The following SBSPON variants were observed in gnomAD, a reference collection of about 807,000 sequenced individuals.
The protein encoded by SBSPON is somatomedin-B and thrombospondin type-1 domain-containing protein.
In SBSPON, 30 loss-of-function variants were observed where a neutral mutation model predicts 35.8. The observed-to-expected ratio is 0.84, with a 90% CI of 0.63 to 1.14. The LOEUF (loss-of-function observed/expected upper bound fraction) is 1.14. Among genes scored for constraint, SBSPON ranks in the 50% most tolerant of loss-of-function variants. The probability of loss-of-function intolerance (pLI) is 0.00; values close to 1 mark genes in which losing one functional copy is unlikely to be tolerated. For synonymous variants in SBSPON, 136 were observed against 135.9 expected (o/e 1.00, Z 0.00); for missense variants, 364 against 357.7 (o/e 1.02, Z -0.14).
intron 1 of SBSPON, among the ~76,000 whole-genome samples, chr8:73,088,817 A>G (rs1810881692): frequency 1.3e-5 from 2 of 152,226 alleles, no homozygotes; most frequent in African/African-American, 4.8e-5. Flanking sequence ...TGGCAAATAT[A>G]TGTGGCAATT....
Position 73,069,966 on chromosome 8 carries a change from A to T in SBSPON, c.516T>A (p.Phe172Leu), listed in dbSNP as rs1384083087. ...HTEDAGYCME[F>L]KTESLTPHCA... is the part of the protein sequence containing the mutation. The stretch of plus-strand genomic sequence containing the variant: ...AGTGAGGAGTCAAGGACTCTGTCTT[A>T]AACTCCATACAGTATCTACAGCAAA... The change falls in exon 4 of 5, where the codon TTT becomes TTA. Residue 172 changes from phenylalanine (F) to leucine (L), a missense_variant. Coordinates refer to ENST00000297354, the MANE Select transcript of SBSPON (RefSeq NM_153225.4). The T allele has an allele frequency of 1.3e-6, 2 of 1,594,352 alleles. No homozygotes were observed. The highest frequency in any genetic ancestry group is 2.7e-5 in the African/African-American group (2 of 74,334).
intron 1 of SBSPON, among the ~76,000 whole-genome samples, chr8:73,087,121 G>A (rs958982500): frequency 6.6e-6 from 1 of 152,156 alleles, no homozygotes; most frequent in South Asian, 2.1e-4. Flanking sequence ...TCACTCTGTT[G>A]GTGTTTATGT....
At chr8:73,089,352 G>T (rs929180209) in intron 1 of SBSPON, among the ~76,000 whole-genome samples, 2 of 152,148 alleles carry the variant, frequency 1.3e-5, no homozygotes, top group Non-Finnish European at 2.9e-5. Flanking sequence ...TCAGGAGATT[G>T]AAACCAGCCT....
chr8:73,075,350 G>A (rs1006174697), intron 2 of SBSPON, among the ~76,000 whole-genome samples: 3 of 152,130 alleles, frequency 2.0e-5, no homozygotes, highest in Non-Finnish European at 4.4e-5. Context: ...CCCAGAACCA[G>A]CATCACTTTT....
Position 73,067,297 on chromosome 8 carries a change from T to C in SBSPON, c.*44A>G. 9 of 1,164,374 alleles carry C rather than the reference T, an allele frequency of 7.7e-6. No individual in the cohort carries two copies. Among genetic ancestry groups the C allele is most frequent in the Non-Finnish European group, 1.0e-5 (8 of 773,866 alleles). 72.1% of individuals were successfully genotyped at this position (1,164,374 alleles called of 1,614,324 possible). ...AAACATTGAACATGACTTGAGAATATTTAGAATGTTTACAAATGCATTTGG... is the reference window on the plus strand; with the variant it reads ...AAACATTGAACATGACTTGAGAATACTTAGAATGTTTACAAATGCATTTGG... On this transcript the variant is annotated 3_prime_UTR_variant, in exon 5 of 5. Transcript: ENST00000297354.
chr8:73,093,110 G>T lies in SBSPON; in HGVS notation c.-43C>A. 2 of 1,157,592 alleles carry T rather than the reference G, an allele frequency of 1.7e-6. No individual in the cohort carries two copies. The highest frequency in any genetic ancestry group is 2.8e-5 in the South Asian group (1 of 36,068). The allele number at this position is 1,157,592 out of a possible 1,614,324, so 71.7% of individuals were successfully genotyped here. On this transcript the variant is annotated 5_prime_UTR_variant, in exon 1 of 5. Transcript: ENST00000297354. ...CGCCTGCGACGCGACAGACCCCCGG[G>T]GCAAGCGCTCTGATCCTCGGCTGGC...
intron 2 of SBSPON, among the ~76,000 whole-genome samples, chr8:73,079,246 CAA>C (rs924376250): frequency 1.3e-5 from 2 of 152,016 alleles, no homozygotes; most frequent in African/African-American, 2.4e-5. Context: ...GGTCTCTGAC[CAA>C]AAGACTCCCC....
At position 73,066,180 on chromosome 8, in the gene SBSPON, A is replaced by C. The variant is rs1407928189; in HGVS notation, c.*1161T>G. The C allele has an allele frequency of 6.6e-6, 1 of 152,212 alleles. No homozygotes were observed. Among genetic ancestry groups the C allele is most frequent in the African/African-American group, 2.4e-5 (1 of 41,464 alleles). 9.4% of individuals were successfully genotyped at this position (152,212 alleles called of 1,614,324 possible). A position where few individuals can be genotyped will look rare whatever the true frequency, so the allele number is the denominator to read the frequency against. ...CAAGACTCAATTCTCTAAACTAAAT[A>C]TCTTGAATTTAAAATTTACTTCACA... On this transcript the variant is annotated 3_prime_UTR_variant, in exon 5 of 5. Coordinates refer to ENST00000297354, the MANE Select transcript of SBSPON (RefSeq NM_153225.4).
rs1284523475 is a variant in SBSPON, at chr8:73,093,091, C to T, written c.-24G>A. 3.5e-5 allele frequency: 45 copies of T among 1,270,572 alleles called. No individual in the cohort carries two copies. The highest frequency in any genetic ancestry group is 4.5e-5 in the Non-Finnish European group (45 of 999,144). 78.7% of individuals were successfully genotyped at this position (1,270,572 alleles called of 1,614,324 possible). ...ATGGCCAGGGCTCCGGCGGCGCCTG[C>T]GACGCGACAGACCCCCGGGGCAAGC... On this transcript the variant is annotated 5_prime_UTR_variant, in exon 1 of 5. Coordinates refer to ENST00000297354, the MANE Select transcript of SBSPON (RefSeq NM_153225.4).
In SBSPON at chr8:73,066,037, A is replaced by T. The variant is rs1357505704; in HGVS notation, c.*1304T>A. ...AATTATTGGGGAAATCTCCATCCTT[A>T]TTGCTGTTGTGAATCTGTCATTACA... On this transcript the variant is annotated 3_prime_UTR_variant, in exon 5 of 5. Transcript: ENST00000297354. 2 of 152,120 alleles carry T rather than the reference A, an allele frequency of 1.3e-5. No homozygotes were observed. Among genetic ancestry groups the T allele is most frequent in the African/African-American group, 2.4e-5 (1 of 41,428 alleles). The allele number at this position is 152,120 out of a possible 1,614,324, so 9.4% of individuals were successfully genotyped here. A position where few individuals can be genotyped will look rare whatever the true frequency, so the allele number is the denominator to read the frequency against.
Position 73,077,186 on chromosome 8 carries a change from A to G in SBSPON, c.409+3833T>C, listed in dbSNP as rs533097919. On this transcript the variant is annotated intron_variant, in intron 2 of 4. Transcript: ENST00000297354. ...CTCCCAAAGTGCTGGGATTACAGGC[A>G]TGAGCCAGCACACCCGGCCTAATCT... is the stretch of plus-strand genomic sequence containing the variant. Among the ~76,000 whole-genome samples the G allele has an allele frequency of 1.7e-3, 257 of 152,342 alleles. 1 individual carries two copies. Among genetic ancestry groups the G allele is most frequent in the African/African-American group, 6.0e-3 (251 of 41,592 alleles).
chr8:73,070,058 G>A, intron 3 of SBSPON, 77 bp from the exon 4 acceptor site: 2 of 926,998 alleles, frequency 2.2e-6, no homozygotes, highest in South Asian at 3.5e-5. Context: ...TAGAAAGCCT[G>A]TCACCTCCAA....
At chr8:73,068,117 C>A (rs1407721807) in intron 4 of SBSPON, among the ~76,000 whole-genome samples, 1 of 152,068 alleles carries the variant, frequency 6.6e-6, no homozygotes, top group East Asian at 1.9e-4. Flanking sequence ...AATGAGAGAG[C>A]TGAAAAGAAC....
Position 73,065,964 on chromosome 8 carries a change from CAATT to C in SBSPON, c.*1373_*1376del, listed in dbSNP as rs878926313. On this transcript the variant is annotated 3_prime_UTR_variant, in exon 5 of 5. Transcript: ENST00000297354. Reference sequence around the variant, plus strand: ...TAATTTTCCACAAAAACAACTTTGACAATTAAATGAAAATACAGTAAAAAATATT... The same window carrying C: ...TAATTTTCCACAAAAACAACTTTGACAAATGAAAATACAGTAAAAAATATT... The C allele has an allele frequency of 8.6e-5, 13 of 151,466 alleles. No individual in the cohort carries two copies. The South Asian group carries it at 2.1e-3, about 24-fold the overall frequency. 9.4% of individuals were successfully genotyped at this position (151,466 alleles called of 1,614,324 possible). A position where few individuals can be genotyped will look rare whatever the true frequency, so the allele number is the denominator to read the frequency against.
rs760357540 is a variant in SBSPON at position 73,081,118 on chromosome 8, C to T, written c.310G>A (p.Glu104Lys). The T allele has an allele frequency of 1.9e-6, 3 of 1,613,342 alleles. No homozygotes were observed. Among genetic ancestry groups the T allele is most frequent in the African/African-American group, 1.3e-5 (1 of 74,920 alleles). The change falls in exon 2 of 5, where the codon GAG becomes AAG. Residue 104 changes from glutamate (E) to lysine (K), a missense_variant. Glu to Lys is a moderately conservative substitution (Grantham distance 56, BLOSUM62 1). Coordinates refer to ENST00000297354, the MANE Select transcript of SBSPON (RefSeq NM_153225.4). ...TRVRRRSVQQ[E>K]PQNGGAPCPP... is the part of the protein sequence containing the mutation. Reference sequence around the variant, plus strand: ...CAGGGCGCCCCGCCGTTCTGAGGCTCCTGCTGCACCGAGCGCCTCCGCACA... The same window carrying T: ...CAGGGCGCCCCGCCGTTCTGAGGCTTCTGCTGCACCGAGCGCCTCCGCACA...
chr8:73,081,132 C>T lies in SBSPON; in HGVS notation c.296G>A (p.Arg99His), dbSNP rs758346150. 1.7e-5 allele frequency: 28 copies of T among 1,613,036 alleles called. No homozygotes were observed. The highest frequency in any genetic ancestry group is 1.1e-4 in the East Asian group (5 of 44,852). Reference sequence around the variant, plus strand: ...GTTCTGAGGCTCCTGCTGCACCGAGCGCCTCCGCACACGGGTTGTAGGCTT... The same window carrying T: ...GTTCTGAGGCTCCTGCTGCACCGAGTGCCTCCGCACACGGGTTGTAGGCTT... Reference protein sequence around the residue: ...QCKPTTRVRRRSVQQEPQNGG... With the variant: ...QCKPTTRVRRHSVQQEPQNGG... Residue 99 changes from arginine to histidine, a missense_variant, in exon 2 of 5, where the codon CGC becomes CAC. Physicochemically the swap from Arg to His is conservative, Grantham distance 29. Transcript: ENST00000297354.
intron 2 of SBSPON, among the ~76,000 whole-genome samples, chr8:73,076,656 G>GA (rs373146418): frequency 5.7e-4 from 80 of 139,624 alleles, no homozygotes; most frequent in African/African-American, 1.1e-3. Context: ...TATATGAAAA[G>GA]AAAAAAAAAA....
At position 73,065,792 on chromosome 8, in the gene SBSPON, CTT is replaced by C. The variant is rs1286674321; in HGVS notation, c.*1547_*1548del. 1 of 151,668 alleles carries C rather than the reference CTT, an allele frequency of 6.6e-6. No individual in the cohort carries two copies. Among genetic ancestry groups the C allele is most frequent in the African/African-American group, 2.4e-5 (1 of 41,150 alleles). The allele number at this position is 151,668 out of a possible 1,614,324, so 9.4% of individuals were successfully genotyped here. On this transcript the variant is annotated 3_prime_UTR_variant, in exon 5 of 5. Coordinates refer to ENST00000297354, the MANE Select transcript of SBSPON (RefSeq NM_153225.4). ...AGACTCTGTCTCAAAGAAAAAAAAACTTTTAAGTAACATTGGAAATTACCCAG... is the reference window on the plus strand; with the variant it reads ...AGACTCTGTCTCAAAGAAAAAAAAACTTAAGTAACATTGGAAATTACCCAG...
rs1810968635 is a variant in SBSPON at position 73,093,058 on chromosome 8, G to A, written c.10C>T (p.Leu4=). The A allele has an allele frequency of 7.4e-7, 1 of 1,357,450 alleles. No homozygotes were observed. Among genetic ancestry groups the A allele is most frequent in the East Asian group, 3.2e-5 (1 of 31,208 alleles). 84.1% of individuals were successfully genotyped at this position (1,357,450 alleles called of 1,614,324 possible). Residue 4 remains leucine, a synonymous_variant, in exon 1 of 5, where the codon CTG becomes TTG. Transcript: ENST00000297354. The part of the protein sequence containing the change: MRT[L]WMALCALSRL... ...GACAGCGCGCACAGCGCCATCCACA[G>A]GGTCCTCATGGCCAGGGCTCCGGCG...
Sources: gnomAD v4.1 joint callset for allele counts (sites outside exome capture counted in the v4.1 genomes callset) on GRCh38, gnomAD v4.1.1 for gene constraint, MANE v1.5 for transcripts, NCBI Gene and HGNC (gene_info 2026-07-23, HGNC 2026-07-21) for gene names.